Variants in PAPPA2 observed in about 807,000 individuals in gnomAD.
PAPPA2 encodes pappalysin-2.
PAPPA2 carries 86 observed loss-of-function variants against 176.4 expected under a neutral mutation model. The ratio of observed to expected loss-of-function variants is 0.49; its 90% CI spans 0.41 to 0.58. The LOEUF is 0.58. Ranked by LOEUF, PAPPA2 falls within the 20% of genes least tolerant of loss-of-function variation. The pLI is 0.00. For synonymous variants in PAPPA2, 809 were observed against 852.2 expected (o/e 0.95, Z 0.88); for missense variants, 2,073 against 2,256.9 (o/e 0.92, Z 1.65).
intron 3 of PAPPA2, among the ~76,000 whole-genome samples, chr1:176,610,347 G>T (rs35747415): frequency 0.2 from 26,507 of 133,348 alleles, 2,493 homozygotes; most frequent in Middle Eastern, 0.26. Flanking sequence ...TTGTGTGTGG[G>T]GGGGGGGAGT....
intron 1 of PAPPA2, among the ~76,000 whole-genome samples, chr1:176,516,297 G>A (rs1441173983): frequency 2.7e-5 from 4 of 149,706 alleles, no homozygotes; most frequent in Non-Finnish European, 5.9e-5. Flanking sequence ...TTTGTGACAG[G>A]CCTTCATATA....
At position 176,787,244 on chromosome 1, in the gene PAPPA2, A is replaced by AT. The variant is rs376379704; in HGVS notation, c.4716-2552dup. 6.7e-3 allele frequency among the ~76,000 whole-genome samples: 986 copies of AT among 146,298 alleles called. 1 individual carries two copies. Among genetic ancestry groups the AT allele is most frequent in the Non-Finnish European group, 0.01 (672 of 65,942 alleles). ...AAAAAATTCCAGTCATAAAAATCAGATTTTTTTTTTTTTGGACACAGTCTG... is the reference window on the plus strand; with the variant it reads ...AAAAAATTCCAGTCATAAAAATCAGATTTTTTTTTTTTTTGGACACAGTCTG... On this transcript the variant is annotated intron_variant, in intron 17 of 22. Coordinates refer to ENST00000367662, the MANE Select transcript of PAPPA2 (RefSeq NM_020318.3).
chr1:176,770,857 A>G, intron 16 of PAPPA2, 110 bp from the exon 17 acceptor site: 1 of 968,462 alleles, frequency 1.0e-6, no homozygotes, highest in South Asian at 1.6e-5. Context: ...AAAGAATAAT[A>G]TGACTTTTGA....
intron 21 of PAPPA2, among the ~76,000 whole-genome samples, chr1:176,822,435 T>C (rs7543049): frequency 0.15 from 23,095 of 152,212 alleles, 1,857 homozygotes; most frequent in Middle Eastern, 0.25. Flanking sequence ...ACAATCCAGG[T>C]TGATAGTGAT....
chr1:176,756,817 C>T (rs1171389182), intron 14 of PAPPA2, among the ~76,000 whole-genome samples: 1 of 152,162 alleles, frequency 6.6e-6, no homozygotes, highest in African/African-American at 2.4e-5. Context: ...CCCATCAACT[C>T]ATCACTTACA....
intron 3 of PAPPA2, among the ~76,000 whole-genome samples, chr1:176,651,122 A>G (rs947029457): frequency 1.2e-4 from 18 of 151,652 alleles, no homozygotes; most frequent in Admixed American, 7.9e-4. Flanking sequence ...GTTTTGATAG[A>G]TTTGTCTTTT....
chr1:176,572,604 T>C (rs796905577), intron 2 of PAPPA2, among the ~76,000 whole-genome samples: 1 of 152,174 alleles, frequency 6.6e-6, no homozygotes, highest in Non-Finnish European at 1.5e-5. Context: ...CTTGGGTTAT[T>C]TGTGACCACA....
In PAPPA2 at chr1:176,748,221, A is replaced by G. The variant is rs182385696; in HGVS notation, c.4151+8025A>G. Reference sequence around the variant, plus strand: ...GTATGCAGTAACCTTGGAGTTATCCAACTACATGTGTCTCATATCCTGAAA... The same window carrying G: ...GTATGCAGTAACCTTGGAGTTATCCGACTACATGTGTCTCATATCCTGAAA... On this transcript the variant is annotated intron_variant, in intron 14 of 22. Transcript: ENST00000367662. 1.5e-3 allele frequency among the ~76,000 whole-genome samples: 230 copies of G among 152,356 alleles called. 1 individual carries two copies. The highest frequency in any genetic ancestry group is 2.5e-3 in the Non-Finnish European group (172 of 68,038).
intron 2 of PAPPA2, among the ~76,000 whole-genome samples, chr1:176,568,806 G>A (rs914389412): frequency 1.9e-4 from 29 of 152,188 alleles, no homozygotes; most frequent in South Asian, 2.1e-4. Context: ...GCTAAGTTTC[G>A]GTCACAATAA....
At chr1:176,760,496 C>T (rs918944768) in intron 14 of PAPPA2, among the ~76,000 whole-genome samples, 4 of 152,298 alleles carry the variant, frequency 2.6e-5, no homozygotes, top group Admixed American at 6.5e-5. Flanking sequence ...TGGAATCCCA[C>T]TGCAGGCCTA....
At chr1:176,483,213 T>C (rs60601672) in intron 1 of PAPPA2, among the ~76,000 whole-genome samples, 2,174 of 152,236 alleles carry the variant, frequency 0.014, 55 homozygotes, top group African/African-American at 0.05. Context: ...TCTTTTTCCC[T>C]CTCTGTGACT....
intron 3 of PAPPA2, among the ~76,000 whole-genome samples, chr1:176,636,155 A>G (rs1656688428): frequency 6.6e-6 from 1 of 152,144 alleles, no homozygotes; most frequent in South Asian, 2.1e-4. Context: ...ATCAATAAAC[A>G]CAATAGTATA....
intron 21 of PAPPA2, among the ~76,000 whole-genome samples, chr1:176,815,410 C>T (rs982568436): frequency 6.6e-6 from 1 of 152,084 alleles, no homozygotes; most frequent in Non-Finnish European, 1.5e-5. Flanking sequence ...CAGTTCCTAC[C>T]CCTCTGCTCC....
In PAPPA2 at chr1:176,471,746, T is replaced by G. The variant is rs1244077205; in HGVS notation, c.-917+8328T>G. 2.0e-5 allele frequency among the ~76,000 whole-genome samples: 3 copies of G among 152,216 alleles called. No homozygotes were observed. In the East Asian group the frequency reaches 5.8e-4, roughly 29 times the overall value. On this transcript the variant is annotated intron_variant, in intron 1 of 22. Transcript: ENST00000367662. ...AAAATCTTGTGATATATCCTTTCAA[T>G]CTCTTTAAACCTACAGTTTTCCTTC...
chr1:176,611,012 C>T (rs1378879658), intron 3 of PAPPA2, among the ~76,000 whole-genome samples: 2 of 152,150 alleles, frequency 1.3e-5, no homozygotes, highest in Non-Finnish European at 2.9e-5. Context: ...TCTTTAGCCC[C>T]CTAAGTCTGA....
rs758355936 is a variant in PAPPA2 at position 176,710,115 on chromosome 1, C to A, written c.3590C>A (p.Ser1197Tyr). 19 of 1,613,876 alleles carry A rather than the reference C, an allele frequency of 1.2e-5. No homozygotes were observed. The highest frequency in any genetic ancestry group is 1.6e-5 in the Non-Finnish European group (19 of 1,179,832). The change falls in exon 11 of 23, where the codon TCC (serine) becomes TAC (tyrosine). Residue 1197 changes from serine (S) to tyrosine (Y), a missense_variant. This residue lies in a region of PAPPA2 where 846 missense variants were observed against 857.9 expected (regional missense o/e 0.99). Coordinates refer to ENST00000367662, the MANE Select transcript of PAPPA2 (RefSeq NM_020318.3). ...YLDQWATRAY[S>Y]SHEDKKKCPV... The stretch of plus-strand genomic sequence containing the variant: ...GATCAATGGGCTACCCGGGCTTACT[C>A]CTCTCATGAAGACAAGAAGAAGTGT...
rs538325767 is a variant in PAPPA2 at position 176,807,337 on chromosome 1, A to G, written c.5202+7205A>G. Among the ~76,000 whole-genome samples the G allele has an allele frequency of 5.9e-5, 9 of 152,188 alleles. No homozygotes were observed. In the South Asian group the frequency reaches 1.9e-3, roughly 32 times the overall value. On this transcript the variant is annotated intron_variant, in intron 21 of 22. Transcript: ENST00000367662. ...AGTTGGTAAAGGACTGTTTAATAAG[A>G]CCAGTAAGACCTTTTATATCACCTA...
chr1:176,518,154 T>C (rs1183520762), intron 1 of PAPPA2, among the ~76,000 whole-genome samples: 1 of 152,190 alleles, frequency 6.6e-6, no homozygotes, highest in Non-Finnish European at 1.5e-5. Flanking sequence ...CGTCTGTTCA[T>C]GTACTACTTC....
chr1:176,526,199 C>T (rs984635255), intron 1 of PAPPA2, among the ~76,000 whole-genome samples: 3 of 152,160 alleles, frequency 2.0e-5, no homozygotes, highest in African/African-American at 7.2e-5. Flanking sequence ...AAGAGTTGAC[C>T]ATCTCCAGGA....
Sources: allele counts gnomAD v4.1 joint callset (sites outside exome capture counted in the v4.1 genomes callset), GRCh38; gene constraint gnomAD v4.1.1; regional missense constraint gnomAD v4.1.1; transcripts MANE v1.5; gene names NCBI Gene and HGNC (gene_info 2026-07-23, HGNC 2026-07-21).